The following C8orf34 variants were observed in gnomAD, a reference collection of about 807,000 sequenced individuals.
C8orf34 encodes the protein uncharacterized protein C8orf34.
Under a neutral mutation model 68.3 loss-of-function variants are expected in C8orf34, and 65 were observed. The ratio of observed to expected loss-of-function variants is 0.95; its 90% CI spans 0.78 to 1.17. The LOEUF is 1.17. Among genes scored for constraint, C8orf34 ranks in the 50% most tolerant of loss-of-function variants. The probability of loss-of-function intolerance (pLI) is 0.00; values close to 1 mark genes in which losing one functional copy is unlikely to be tolerated. For synonymous variants in C8orf34, 244 were observed against 241.2 expected (o/e 1.01, Z -0.11); for missense variants, 664 against 655.4 (o/e 1.01, Z -0.14).
At chr8:68,749,257 G>C (rs1222296370) in intron 10 of C8orf34, among the ~76,000 whole-genome samples, 1 of 152,058 alleles carries the variant, frequency 6.6e-6, no homozygotes, top group Non-Finnish European at 1.5e-5. Flanking sequence ...GGAGCGGGGA[G>C]GGATTGCATT....
intron 7 of C8orf34, among the ~76,000 whole-genome samples, chr8:68,598,222 C>T (rs1484469841): frequency 6.6e-6 from 1 of 152,104 alleles, no homozygotes; most frequent in Admixed American, 6.6e-5. Context: ...CAGCACAGAT[C>T]AAAATGAAGA....
intron 1 of C8orf34, among the ~76,000 whole-genome samples, chr8:68,355,022 G>C (rs1257722446): frequency 6.6e-6 from 1 of 151,814 alleles, no homozygotes; most frequent in South Asian, 2.1e-4. Flanking sequence ...TTAGCAAATA[G>C]CATCTTAATA....
intron 7 of C8orf34, among the ~76,000 whole-genome samples, chr8:68,631,702 G>A (rs1186178383): frequency 1.3e-5 from 2 of 152,106 alleles, no homozygotes; most frequent in African/African-American, 4.8e-5. Flanking sequence ...CATGGGAGTG[G>A]TTTACACCAT....
chr8:68,349,037 C>T (rs932740152), intron 1 of C8orf34, among the ~76,000 whole-genome samples: 5 of 152,056 alleles, frequency 3.3e-5, no homozygotes, highest in African/African-American at 7.2e-5. Context: ...ATATCCTTGT[C>T]GTTTGACAGT....
rs1437915192 is a variant in C8orf34, at chr8:68,818,977, A to G, written c.*731A>G. On this transcript the variant is annotated 3_prime_UTR_variant, in exon 14 of 14. Transcript: ENST00000518698. ...TGCTCGCTTTTGGAATGTGTTATGCATTGATGTTAAGTGAATGGATCTAAG... is the reference window on the plus strand; with the variant it reads ...TGCTCGCTTTTGGAATGTGTTATGCGTTGATGTTAAGTGAATGGATCTAAG... 1 of 152,162 alleles carries G rather than the reference A, an allele frequency of 6.6e-6. No individual in the cohort carries two copies. The highest frequency in any genetic ancestry group is 1.5e-5 in the Non-Finnish European group (1 of 68,012). The allele number at this position is 152,162 out of a possible 1,614,324, so 9.4% of individuals were successfully genotyped here.
chr8:68,782,885 A>C (rs2953952), intron 11 of C8orf34, among the ~76,000 whole-genome samples: 1 of 151,208 alleles, frequency 6.6e-6, no homozygotes, highest in Non-Finnish European at 1.5e-5. Context: ...AGAGAGACCC[A>C]GTCTCTACAA....
intron 7 of C8orf34, among the ~76,000 whole-genome samples, chr8:68,564,829 AAGTG>A (rs529573645): frequency 2.5e-3 from 386 of 152,258 alleles, no homozygotes; most frequent in Non-Finnish European, 4.3e-3. Flanking sequence ...TGTTCTTCTG[AAGTG>A]AGAGAGAGAG....
At chr8:68,761,018 A>G (rs1362227805) in intron 10 of C8orf34, among the ~76,000 whole-genome samples, 1 of 152,218 alleles carries the variant, frequency 6.6e-6, no homozygotes, top group African/African-American at 2.4e-5. Context: ...GAATATTGAG[A>G]GTAGCAGTAC....
At chr8:68,677,309 C>A (rs1224200527) in intron 8 of C8orf34, among the ~76,000 whole-genome samples, 1 of 152,034 alleles carries the variant, frequency 6.6e-6, no homozygotes, top group African/African-American at 2.4e-5. Flanking sequence ...GCTATAAGCA[C>A]CTACATCAAA....
chr8:68,497,410 T>C (rs1000998957), intron 5 of C8orf34, among the ~76,000 whole-genome samples: 1 of 152,164 alleles, frequency 6.6e-6, no homozygotes. Context: ...ACATTGCTAG[T>C]GGGAATGCAA....
intron 3 of C8orf34, among the ~76,000 whole-genome samples, chr8:68,460,433 G>A (rs1586182611): frequency 6.6e-6 from 1 of 152,306 alleles, no homozygotes; most frequent in East Asian, 1.9e-4. Flanking sequence ...GCTTTGAAGA[G>A]AGCAGTGGTT....
intron 1 of C8orf34, among the ~76,000 whole-genome samples, chr8:68,426,518 CAAAAAA>C (rs753578060): frequency 3.4e-5 from 1 of 29,628 alleles, no homozygotes; most frequent in Admixed American, 4.4e-4. Context: ...GACCTTGTCT[CAAAAAA>C]AAAAAAAAAA....
At chr8:68,630,160 TGA>T (rs1367111541) in intron 7 of C8orf34, among the ~76,000 whole-genome samples, 1 of 152,014 alleles carries the variant, frequency 6.6e-6, no homozygotes, top group African/African-American at 2.4e-5. Flanking sequence ...AGAAAAATAA[TGA>T]GTTACAAATT....
In C8orf34 at chr8:68,376,184, CATAAA is replaced by C. The variant is rs55750047; in HGVS notation, c.327+44872_327+44876del. Among the ~76,000 whole-genome samples the C allele has an allele frequency of 7.3e-3, 1,059 of 145,834 alleles. 12 individuals carry two copies. Among genetic ancestry groups the C allele is most frequent in the African/African-American group, 0.022 (858 of 38,394 alleles). On this transcript the variant is annotated intron_variant, in intron 1 of 13. Coordinates refer to ENST00000518698, the MANE Select transcript of C8orf34 (RefSeq NM_052958.4). ...CATATGGCCTGTCAGAAAAGGCAGACATAAAATAAAATAAAATAAAATAAAATAAA... is the reference window on the plus strand; with the variant it reads ...CATATGGCCTGTCAGAAAAGGCAGACATAAAATAAAATAAAATAAAATAAA...
At position 68,538,660 on chromosome 8, in the gene C8orf34, C is replaced by T. The variant is rs181732341; in HGVS notation, c.1105+5511C>T. Reference sequence around the variant, plus strand: ...CTAAAAACAGCAAAAATGTATGTTTCCCACAACACAATAAAATTAAAGGCT... The same window carrying T: ...CTAAAAACAGCAAAAATGTATGTTTTCCACAACACAATAAAATTAAAGGCT... On this transcript the variant is annotated intron_variant, in intron 7 of 13. Coordinates refer to ENST00000518698, the MANE Select transcript of C8orf34 (RefSeq NM_052958.4). Among the ~76,000 whole-genome samples the T allele has an allele frequency of 7.2e-4, 110 of 151,980 alleles. 1 individual carries two copies. The highest frequency in any genetic ancestry group is 2.5e-3 in the African/African-American group (103 of 41,490).
chr8:68,647,578 G>A (rs180797718), intron 8 of C8orf34, among the ~76,000 whole-genome samples: 2 of 152,272 alleles, frequency 1.3e-5, no homozygotes. Flanking sequence ...AGGGATTTGA[G>A]AGATACACAA....
At chr8:68,672,386 A>G (rs1820041778) in intron 8 of C8orf34, among the ~76,000 whole-genome samples, 1 of 152,196 alleles carries the variant, frequency 6.6e-6, no homozygotes, top group Admixed American at 6.5e-5. Flanking sequence ...AGAGTCTTCA[A>G]TTGCCAAGGC....
At chr8:68,440,128 A>T (rs954870850) in intron 2 of C8orf34, among the ~76,000 whole-genome samples, 6 of 152,276 alleles carry the variant, frequency 3.9e-5, no homozygotes, top group Non-Finnish European at 5.9e-5. Flanking sequence ...TCAGGGAACT[A>T]GTTTTTCGAG....
At chr8:68,760,373 A>G (rs2129527978) in intron 10 of C8orf34, among the ~76,000 whole-genome samples, 1 of 152,338 alleles carries the variant, frequency 6.6e-6, no homozygotes, top group African/African-American at 2.4e-5. Flanking sequence ...GGAAAATTGA[A>G]GTGACTTGCC....
Sources: gnomAD v4.1 joint callset for allele counts (sites outside exome capture counted in the v4.1 genomes callset) on GRCh38, gnomAD v4.1.1 for gene constraint, MANE v1.5 for transcripts, NCBI Gene and HGNC (gene_info 2026-07-23, HGNC 2026-07-21) for gene names.